IPO5: variants seen among roughly 807,000 people sequenced by gnomAD.
The protein encoded by IPO5 is importin-5.
IPO5 carries 18 observed loss-of-function variants against 143.3 expected under a neutral mutation model. The observed-to-expected ratio is 0.13, with a 90% CI of 0.09 to 0.19. The LOEUF is 0.19. IPO5 is among the 10% of genes least tolerant of loss of function. The pLI is 1.00. For synonymous variants in IPO5, 477 were observed against 465.7 expected, an observed-to-expected ratio of 1.02 and a Z score of -0.31; for missense variants, 1,013 against 1,336.9, an observed-to-expected ratio of 0.76 and a Z score of 3.78.
intron 2 of IPO5, among the ~76,000 whole-genome samples, chr13:97,967,206 A>G (rs967792196): frequency 6.6e-6 from 1 of 151,982 alleles, no homozygotes; most frequent in African/African-American, 2.4e-5. Context: ...ACAGTATTCT[A>G]ATTCTTTTTA....
At chr13:97,963,961 T>C (rs1885099134) in intron 2 of IPO5, among the ~76,000 whole-genome samples, 1 of 152,356 alleles carries the variant, frequency 6.6e-6, no homozygotes, top group Middle Eastern at 3.4e-3. Context: ...GGATGAGCTT[T>C]TTTTCATATG....
At chr13:97,986,490 G>A (rs1390585139) in intron 6 of IPO5, among the ~76,000 whole-genome samples, 1 of 151,962 alleles carries the variant, frequency 6.6e-6, no homozygotes, top group East Asian at 1.9e-4. Flanking sequence ...CAAGTATCTG[G>A]AATTACAGGC....
At chr13:97,993,709 A>C (rs573749392) in intron 11 of IPO5, among the ~76,000 whole-genome samples, 3 of 152,212 alleles carry the variant, frequency 2.0e-5, no homozygotes, top group Non-Finnish European at 4.4e-5. Context: ...CTATTGTGCT[A>C]TGGAAATACT....
intron 6 of IPO5, 49 bp downstream of exon 6, chr13:97,985,662 CCT>C: frequency 9.0e-7 from 1 of 1,115,430 alleles, no homozygotes. Flanking sequence ...GTATATCCTT[CCT>C]TTTTTTTTTT....
rs1027471826 is a variant in IPO5, at chr13:97,992,779, G to A, written c.670-113G>A. On this transcript the variant is annotated intron_variant, in intron 9 of 28. Coordinates refer to ENST00000651721, the MANE Select transcript of IPO5 (RefSeq NM_002271.6). The stretch of plus-strand genomic sequence containing the variant: ...ATAATATAGATTGCTAAATTATTTA[G>A]TGAAAAATAGTTTAGTAATATTTCT... The A allele has an allele frequency of 3.6e-6, 4 of 1,113,392 alleles. No homozygotes were observed. The African/African-American group carries it at 6.3e-5, about 18-fold the overall frequency. The allele number at this position is 1,113,392 out of a possible 1,614,324, so 69.0% of individuals were successfully genotyped here. A position where few individuals can be genotyped will look rare whatever the true frequency, so the allele number is the denominator to read the frequency against.
intron 2 of IPO5, chr13:97,963,412 C>T (rs574854375): frequency 1.3e-5 from 2 of 150,990 alleles, no homozygotes; most frequent in Admixed American, 6.6e-5. Context: ...GCTCTGTCAC[C>T]AGGCTAGAGT....
chr13:97,999,241 A>G (rs1198194346), intron 12 of IPO5, among the ~76,000 whole-genome samples: 1 of 152,198 alleles, frequency 6.6e-6, no homozygotes, highest in African/African-American at 2.4e-5. Context: ...TTGGCTTTAG[A>G]ATATATATGC....
chr13:98,002,499 G>A lies in IPO5; in HGVS notation c.1141G>A (p.Ala381Thr). 3 of 1,613,952 alleles carry A rather than the reference G, an allele frequency of 1.9e-6. No homozygotes were observed. The highest frequency in any genetic ancestry group is 2.5e-6 in the Non-Finnish European group (3 of 1,179,892). ...DWKYRHAGLMALSAIGEGCHQ... is the reference protein window; with the variant it reads ...DWKYRHAGLMTLSAIGEGCHQ... Reference sequence around the variant, plus strand: ...GAAATACCGGCATGCAGGATTGATGGCCTTATCTGCCATTGGTGAAGGGTG... The same window carrying A: ...GAAATACCGGCATGCAGGATTGATGACCTTATCTGCCATTGGTGAAGGGTG... The change falls in exon 14 of 29, where the codon GCC (alanine) becomes ACC (threonine). Residue 381 changes from alanine (A) to threonine (T), a missense_variant. Transcript: ENST00000651721.
intron 4 of IPO5, 100 bp from the exon 5 acceptor site, chr13:97,982,403 A>T: frequency 1.3e-6 from 1 of 754,398 alleles, no homozygotes; most frequent in Non-Finnish European, 2.2e-6. Flanking sequence ...CCTAGATTAA[A>T]TAATTTCTCA....
At chr13:97,968,160 G>A (rs539194556) in intron 2 of IPO5, among the ~76,000 whole-genome samples, 1 of 152,272 alleles carries the variant, frequency 6.6e-6, no homozygotes, top group African/African-American at 2.4e-5. Context: ...TGTTATTTAG[G>A]AGTATGCAGT....
At chr13:97,953,788 G>A (rs1648843902) in intron 1 of IPO5, 72 bp downstream of exon 1, 1 of 387,648 alleles carries the variant, frequency 2.6e-6, no homozygotes, top group South Asian at 2.0e-5. Context: ...GAACAATTTA[G>A]CGTGATACTG....
intron 4 of IPO5, chr13:97,980,064 A>G: frequency 2.6e-6 from 1 of 389,898 alleles, no homozygotes; most frequent in Non-Finnish European, 5.1e-6. Context: ...GGTGGAATCA[A>G]ATCAAATTGA....
intron 3 of IPO5, among the ~76,000 whole-genome samples, chr13:97,972,226 C>T (rs1472959302): frequency 1.3e-5 from 2 of 152,178 alleles, no homozygotes; most frequent in South Asian, 2.1e-4. Context: ...TTGCATTCAG[C>T]ACTCTGCAAA....
chr13:98,002,658 T>C lies in IPO5; in HGVS notation c.1234-26T>C, dbSNP rs756413208. On this transcript the variant is annotated intron_variant, in intron 14 of 28. Transcript: ENST00000651721. Reference sequence around the variant, plus strand: ...CTTCATGTGGAAACCTTCTTGCTTTTACTAATGAAAGGGAACATTTTCCAG... The same window carrying C: ...CTTCATGTGGAAACCTTCTTGCTTTCACTAATGAAAGGGAACATTTTCCAG... The C allele has an allele frequency of 1.5e-4, 234 of 1,606,762 alleles. 1 individual carries two copies. Among genetic ancestry groups the C allele is most frequent in the Non-Finnish European group, 1.4e-4 (162 of 1,175,842 alleles).
intron 2 of IPO5, among the ~76,000 whole-genome samples, chr13:97,958,259 A>G (rs1382031582): frequency 2.0e-5 from 3 of 151,842 alleles, no homozygotes; most frequent in Non-Finnish European, 4.4e-5. Flanking sequence ...CCTGGGCTCC[A>G]TTGTCCCTCT....
intron 3 of IPO5, among the ~76,000 whole-genome samples, chr13:97,973,189 T>A (rs569347413): frequency 2.6e-4 from 39 of 151,866 alleles, no homozygotes; most frequent in Non-Finnish European, 4.6e-4. Flanking sequence ...ATTACAGGCA[T>A]GCGCCACCAT....
intron 2 of IPO5, among the ~76,000 whole-genome samples, chr13:97,968,138 CTTT>C (rs1348029912): frequency 6.6e-6 from 1 of 152,160 alleles, no homozygotes; most frequent in African/African-American, 2.4e-5. Flanking sequence ...GTGATTTCTT[CTTT>C]GACGCACTTG....
At chr13:97,960,594 T>C (rs1210314666) in intron 2 of IPO5, among the ~76,000 whole-genome samples, 1 of 151,612 alleles carries the variant, frequency 6.6e-6, no homozygotes, top group Non-Finnish European at 1.5e-5. Context: ...GTTTCACCCT[T>C]GTCACCCAGG....
Position 97,982,483 on chromosome 13 carries a change from A to ATTT in IPO5, c.91-11_91-9dup. On this transcript the variant is annotated intron_variant, in intron 4 of 28. Coordinates refer to ENST00000651721, the MANE Select transcript of IPO5 (RefSeq NM_002271.6). ...AGTTTCCTAACATTCTTTCCTAACCATTTTTTTTTTTCCATGCAGGAAACC... is the reference window on the plus strand; with the variant it reads ...AGTTTCCTAACATTCTTTCCTAACCATTTTTTTTTTTTTTCCATGCAGGAAACC... 8.2e-7 allele frequency: 1 copy of ATTT among 1,218,960 alleles called. No individual in the cohort carries two copies. The highest frequency in any genetic ancestry group is 1.1e-6 in the Non-Finnish European group (1 of 882,684). 75.5% of individuals were successfully genotyped at this position (1,218,960 alleles called of 1,614,324 possible). A position where few individuals can be genotyped will look rare whatever the true frequency, so the allele number is the denominator to read the frequency against.
Sources: allele counts gnomAD v4.1 joint callset (sites outside exome capture counted in the v4.1 genomes callset), GRCh38; gene constraint gnomAD v4.1.1; transcripts MANE v1.5; gene names NCBI Gene and HGNC (gene_info 2026-07-23, HGNC 2026-07-21).